The following TRDN variants were observed in gnomAD, a reference collection of about 807,000 sequenced individuals.
TRDN encodes the protein triadin.
TRDN carries 161 observed loss-of-function variants against 149.7 expected under a neutral mutation model. The ratio of observed to expected loss-of-function variants is 1.08; its 90% CI spans 0.95 to 1.23. The LOEUF (loss-of-function observed/expected upper bound fraction) is 1.23. TRDN is among the 50% of genes most tolerant of loss of function. TRDN has a pLI of 0.00. For missense variants in TRDN, 896 were observed against 823.5 expected, an observed-to-expected ratio of 1.09 and a Z score of -1.08; for synonymous variants, 294 against 250.5, an observed-to-expected ratio of 1.17 and a Z score of -1.64.
chr6:123,268,729 G>A (rs921426446), intron 31 of TRDN, among the ~76,000 whole-genome samples: 29 of 151,960 alleles, frequency 1.9e-4, no homozygotes, highest in Non-Finnish European at 3.5e-4. Flanking sequence ...CGTACATTAG[G>A]AACTGATAGC....
Position 123,487,770 on chromosome 6 carries a change from G to A in TRDN, c.853+9423C>T, listed in dbSNP as rs144159690. Among the ~76,000 whole-genome samples, 46 of 151,936 alleles carry A rather than the reference G, an allele frequency of 3.0e-4. 1 individual carries two copies. The East Asian group carries it at 4.5e-3, about 15-fold the overall frequency. ...CAATTTCACATGCACTATAATGTTC[G>A]CATTCATTTTCTCCTTCATTCACAT... On this transcript the variant is annotated intron_variant, in intron 9 of 40. Transcript: ENST00000334268.
intron 9 of TRDN, among the ~76,000 whole-genome samples, chr6:123,480,495 A>G (rs986570501): frequency 7.2e-5 from 11 of 152,120 alleles, no homozygotes; most frequent in African/African-American, 2.7e-4. Context: ...TTCACAATGC[A>G]TATTCCTGAA....
intron 9 of TRDN, among the ~76,000 whole-genome samples, chr6:123,480,465 G>A (rs1421931014): frequency 2.6e-5 from 4 of 151,846 alleles, no homozygotes; most frequent in East Asian, 1.9e-4. Context: ...CTCATAAGGC[G>A]GTTGTTTACC....
intron 21 of TRDN, among the ~76,000 whole-genome samples, chr6:123,339,315 T>C (rs1403205926): frequency 6.6e-6 from 1 of 152,042 alleles, no homozygotes; most frequent in Non-Finnish European, 1.5e-5. Flanking sequence ...ATGTATTAGG[T>C]TTTTTTGTTT....
intron 2 of TRDN, among the ~76,000 whole-genome samples, chr6:123,551,223 T>TATATATA (rs1311778479): frequency 5.1e-5 from 7 of 137,478 alleles, no homozygotes; most frequent in Non-Finnish European, 7.9e-5. Flanking sequence ...TATATATATA[T>TATATATA]TGCCTGGTTC....
intron 39 of TRDN, 56 bp downstream of exon 39, chr6:123,224,037 A>C: frequency 6.4e-7 from 1 of 1,552,702 alleles, no homozygotes; most frequent in Non-Finnish European, 8.7e-7. Flanking sequence ...AAGACAGACA[A>C]AAACCTTATA....
intron 1 of TRDN, among the ~76,000 whole-genome samples, chr6:123,587,603 A>T (rs1783562577): frequency 6.6e-6 from 1 of 152,104 alleles, no homozygotes; most frequent in African/African-American, 2.4e-5. Context: ...CGCGGCACCA[A>T]ATTTCATGTG....
intron 1 of TRDN, among the ~76,000 whole-genome samples, chr6:123,630,607 AT>A (rs1785938605): frequency 6.6e-6 from 1 of 151,288 alleles, no homozygotes; most frequent in African/African-American, 2.4e-5. Context: ...AGGAAAAAAA[AT>A]AAGAAACATT....
chr6:123,366,572 C>A (rs1781108121), intron 19 of TRDN, among the ~76,000 whole-genome samples: 1 of 151,940 alleles, frequency 6.6e-6, no homozygotes, highest in Admixed American at 6.6e-5. Context: ...GGCTGGAATG[C>A]AGTGGCGCAA....
At chr6:123,476,725 G>C (rs1264746456) in intron 9 of TRDN, among the ~76,000 whole-genome samples, 202 of 146,916 alleles carry the variant, frequency 1.4e-3, no homozygotes, top group African/African-American at 4.9e-3. Flanking sequence ...TAGATCAATG[G>C]AACAGAACAG....
chr6:123,482,105 A>G (rs1006893500), intron 9 of TRDN, among the ~76,000 whole-genome samples: 1 of 152,170 alleles, frequency 6.6e-6, no homozygotes, highest in Non-Finnish European at 1.5e-5. Flanking sequence ...TGGCTCCTAC[A>G]CATTCAAATA....
chr6:123,276,440 A>G (rs762543852), intron 26 of TRDN, among the ~76,000 whole-genome samples: 6 of 152,180 alleles, frequency 3.9e-5, no homozygotes, highest in Non-Finnish European at 7.4e-5. Context: ...AAAGTATGGA[A>G]GGTGCAAACT....
chr6:123,292,174 A>G (rs1398809173), intron 24 of TRDN, among the ~76,000 whole-genome samples: 1 of 152,142 alleles, frequency 6.6e-6, no homozygotes, highest in Non-Finnish European at 1.5e-5. Flanking sequence ...ATCAATGGCC[A>G]TGTTTTATTT....
intron 40 of TRDN, among the ~76,000 whole-genome samples, chr6:123,221,266 A>C (rs1335937499): frequency 6.6e-6 from 1 of 151,926 alleles, no homozygotes; most frequent in South Asian, 2.1e-4. Context: ...TGCCACTTCA[A>C]CCATTACTTG....
chr6:123,234,431 T>G (rs1451083082), intron 38 of TRDN, among the ~76,000 whole-genome samples: 1 of 152,150 alleles, frequency 6.6e-6, no homozygotes, highest in Non-Finnish European at 1.5e-5. Context: ...AGACTTTATT[T>G]CAGTTTGTAC....
intron 19 of TRDN, among the ~76,000 whole-genome samples, chr6:123,367,031 CAA>C (rs1781128546): frequency 6.6e-6 from 1 of 151,996 alleles, no homozygotes; most frequent in Admixed American, 6.6e-5. Flanking sequence ...TCAAGAGAGA[CAA>C]AGAGAATAAA....
At chr6:123,514,968 C>A (rs1349023548) in intron 6 of TRDN, among the ~76,000 whole-genome samples, 1 of 151,784 alleles carries the variant, frequency 6.6e-6, no homozygotes, top group African/African-American at 2.4e-5. Flanking sequence ...AGGACAAATA[C>A]CTAATGCACG....
rs377036802 is a variant in TRDN, at chr6:123,417,221, CAAATTTG to C, written c.1051+20835_1051+20841del. Among the ~76,000 whole-genome samples the C allele has an allele frequency of 9.7e-4, 148 of 152,252 alleles. 2 individuals are homozygous for C. In the South Asian group the frequency reaches 0.022, roughly 23 times the overall value. On this transcript the variant is annotated intron_variant, in intron 12 of 40. Transcript: ENST00000334268. ...TAAAATTATTATGTTATGATCTCTCCAAATTTGAAATTTTCTAAATTAATTTGAGGGA... is the reference window on the plus strand; with the variant it reads ...TAAAATTATTATGTTATGATCTCTCCAAATTTTCTAAATTAATTTGAGGGA...
chr6:123,375,927 C>A (rs1781484842), intron 18 of TRDN, among the ~76,000 whole-genome samples: 1 of 152,048 alleles, frequency 6.6e-6, no homozygotes, highest in East Asian at 1.9e-4. Context: ...CCAAGGATCT[C>A]ATTTTTTTAT....
Sources: gnomAD v4.1 joint callset for allele counts (sites outside exome capture counted in the v4.1 genomes callset) on GRCh38, gnomAD v4.1.1 for gene constraint, MANE v1.5 for transcripts, NCBI Gene and HGNC (gene_info 2026-07-23, HGNC 2026-07-21) for gene names.